The following EVI2B variants were observed in gnomAD, a reference collection of about 807,000 sequenced individuals.
EVI2B encodes the protein ecotropic viral integration site 2B.
A neutral mutation model predicts 6.6 loss-of-function variants in EVI2B; 4 were observed. The observed-to-expected ratio is 0.61, with a 90% CI of 0.30 to 1.39. EVI2B has a LOEUF of 1.39. Ranked by LOEUF, EVI2B falls within the 40% of genes most tolerant of loss-of-function variation. The probability of loss-of-function intolerance (pLI) is 0.08; values close to 1 mark genes in which losing one functional copy is unlikely to be tolerated. For missense variants in EVI2B, 484 were observed against 516.6 expected (o/e 0.94, Z 0.61); for synonymous variants, 181 against 186.8 (o/e 0.97, Z 0.25).
At chr17:31,308,100 C>T (rs995149649) in intron 1 of EVI2B, 8 of 271,252 alleles carry the variant, frequency 2.9e-5, no homozygotes, top group Admixed American at 2.9e-4. Flanking sequence ...GTTACTACTG[C>T]CTTGCTTGAG....
chr17:31,309,962 A>C (rs2068824694), intron 1 of EVI2B, among the ~76,000 whole-genome samples: 1 of 152,330 alleles, frequency 6.6e-6, no homozygotes, highest in Admixed American at 6.5e-5. Context: ...TAGAAACTGT[A>C]TTAGAATTCT....
At chr17:31,309,973 A>G (rs1355665322) in intron 1 of EVI2B, among the ~76,000 whole-genome samples, 5 of 152,206 alleles carry the variant, frequency 3.3e-5, no homozygotes, top group Middle Eastern at 3.2e-3. Context: ...TTAGAATTCT[A>G]TGATGGCAAT....
intron 1 of EVI2B, among the ~76,000 whole-genome samples, chr17:31,312,418 G>A (rs1468906801): frequency 6.6e-6 from 1 of 151,424 alleles, no homozygotes; most frequent in East Asian, 1.9e-4. Context: ...GGCTGAGGCA[G>A]AAGAATCTCT....
In EVI2B at chr17:31,304,099, T is replaced by A; in HGVS notation, c.*164A>T. 1 of 604,678 alleles carries A rather than the reference T, an allele frequency of 1.7e-6. No individual in the cohort carries two copies. The highest frequency in any genetic ancestry group is 2.7e-6 in the Non-Finnish European group (1 of 365,166). The allele number at this position is 604,678 out of a possible 1,614,324, so 37.5% of individuals were successfully genotyped here. A position where few individuals can be genotyped will look rare whatever the true frequency, so the allele number is the denominator to read the frequency against. ...ATAGATTACTGTTAAATAACTTTTT[T>A]TAAAAAAAAGTTTCATCTATGCACA... On this transcript the variant is annotated 3_prime_UTR_variant, in exon 2 of 2. Coordinates refer to ENST00000330927, the MANE Select transcript of EVI2B (RefSeq NM_006495.4).
intron 1 of EVI2B, 105 bp downstream of exon 1, chr17:31,313,874 A>G: frequency 2.5e-6 from 1 of 392,850 alleles, no homozygotes; most frequent in Non-Finnish European, 4.5e-6. Context: ...CCTGTTATAG[A>G]CATCTTTAGA....
chr17:31,309,088 T>C (rs986037160), intron 1 of EVI2B, among the ~76,000 whole-genome samples: 2 of 152,180 alleles, frequency 1.3e-5, no homozygotes, highest in Admixed American at 6.6e-5. Flanking sequence ...AGAGACAGTG[T>C]CAAATGAGTT....
chr17:31,310,640 T>C (rs2151516276), intron 1 of EVI2B, among the ~76,000 whole-genome samples: 1 of 152,222 alleles, frequency 6.6e-6, no homozygotes, highest in East Asian at 1.9e-4. Context: ...CCTCTCCCTT[T>C]TTTTTTCCCT....
chr17:31,313,207 A>G (rs17826544), intron 1 of EVI2B, among the ~76,000 whole-genome samples: 69,002 of 152,016 alleles, frequency 0.45, 19,223 homozygotes, highest in Non-Finnish European at 0.62. Flanking sequence ...TTACTATGCA[A>G]ACTAAAGGGG....
rs191217615 is a variant in EVI2B at position 31,307,442 on chromosome 17, C to G, written c.-21-1812G>C. The stretch of plus-strand genomic sequence containing the variant: ...ACTGAATTTTAAAAGTCTATAAAAA[C>G]TAATTAAGTTTCCAGCCAGGGAGAG... On this transcript the variant is annotated intron_variant, in intron 1 of 1. Coordinates refer to ENST00000330927, the MANE Select transcript of EVI2B (RefSeq NM_006495.4). Among the ~76,000 whole-genome samples the G allele has an allele frequency of 2.6e-5, 4 of 152,274 alleles. No individual in the cohort carries two copies. The East Asian group carries it at 5.8e-4, about 22-fold the overall frequency.
chr17:31,313,719 AAT>A (rs1170447460), intron 1 of EVI2B, among the ~76,000 whole-genome samples: 44 of 103,242 alleles, frequency 4.3e-4, no homozygotes, highest in African/African-American at 5.0e-4. Context: ...AAAAAAAAAA[AAT>A]ATGTGTGTGT....
intron 1 of EVI2B, among the ~76,000 whole-genome samples, chr17:31,310,014 T>A (rs997237142): frequency 6.6e-6 from 1 of 152,124 alleles, no homozygotes; most frequent in Non-Finnish European, 1.5e-5. Flanking sequence ...AGAAGAAAGA[T>A]TTAAAAGAGG....
chr17:31,305,997 T>C (rs1468885588), intron 1 of EVI2B, among the ~76,000 whole-genome samples: 1 of 152,208 alleles, frequency 6.6e-6, no homozygotes, highest in Admixed American at 6.5e-5. Context: ...ATGTGTTCTC[T>C]ACCTTTTTTC....
chr17:31,304,709 A>C lies in EVI2B; in HGVS notation c.901T>G (p.Ser301Ala). 1 of 1,614,174 alleles carries C rather than the reference A, an allele frequency of 6.2e-7. No individual in the cohort carries two copies. The highest frequency in any genetic ancestry group is 8.5e-7 in the Non-Finnish European group (1 of 1,180,024). Residue 301 changes from serine (S) to alanine (A), a missense_variant, in exon 2 of 2, where the codon TCC (serine) becomes GCC (alanine). Transcript: ENST00000330927. Reference protein sequence around the residue: ...LFESSENIEDSNNPKTEKIKD... With the variant: ...LFESSENIEDANNPKTEKIKD... The stretch of plus-strand genomic sequence containing the variant: ...ATTTTCTCTGTTTTGGGGTTGTTGG[A>C]GTCTTCAATGTTTTCACTTGATTCA...
At chr17:31,308,155 T>C (rs2068775030) in intron 1 of EVI2B, among the ~76,000 whole-genome samples, 1 of 152,116 alleles carries the variant, frequency 6.6e-6, no homozygotes, top group South Asian at 2.1e-4. Context: ...CTTTTTTTTT[T>C]TGGAGACAGA....
At chr17:31,310,087 G>A (rs1489825224) in intron 1 of EVI2B, among the ~76,000 whole-genome samples, 3 of 152,096 alleles carry the variant, frequency 2.0e-5, no homozygotes, top group Admixed American at 6.6e-5. Context: ...TGAGGCCAGC[G>A]TTACTACCAG....
intron 1 of EVI2B, chr17:31,307,967 A>G: frequency 1.6e-6 from 2 of 1,255,652 alleles, no homozygotes; most frequent in South Asian, 2.5e-5. Flanking sequence ...GCCCTGTTTT[A>G]GTAGAAGAAA....
intron 1 of EVI2B, among the ~76,000 whole-genome samples, chr17:31,307,255 G>A (rs980345641): frequency 1.3e-5 from 2 of 151,610 alleles, no homozygotes; most frequent in African/African-American, 4.9e-5. Context: ...CTGACCTCAG[G>A]TGATCTGCCT....
intron 1 of EVI2B, among the ~76,000 whole-genome samples, chr17:31,309,258 C>G (rs1422927145): frequency 6.6e-6 from 1 of 152,190 alleles, no homozygotes; most frequent in Non-Finnish European, 1.5e-5. Flanking sequence ...ATTAGGAGCA[C>G]AGTAAACATT....
rs2068640407 is a variant in EVI2B, at chr17:31,304,079, T to C, written c.*184A>G. ...ATAGGTACTATAATTAGTAAATAGATTACTGTTAAATAACTTTTTTTAAAA... is the reference window on the plus strand; with the variant it reads ...ATAGGTACTATAATTAGTAAATAGACTACTGTTAAATAACTTTTTTTAAAA... On this transcript the variant is annotated 3_prime_UTR_variant, in exon 2 of 2. Transcript: ENST00000330927. The C allele has an allele frequency of 1.9e-6, 1 of 535,158 alleles. No homozygotes were observed. Among genetic ancestry groups the C allele is most frequent in the African/African-American group, 1.9e-5 (1 of 52,900 alleles). 33.2% of individuals were successfully genotyped at this position (535,158 alleles called of 1,614,324 possible).
Sources: gnomAD v4.1 joint callset for allele counts (sites outside exome capture counted in the v4.1 genomes callset) on GRCh38, gnomAD v4.1.1 for gene constraint, MANE v1.5 for transcripts, NCBI Gene and HGNC (gene_info 2026-07-23, HGNC 2026-07-21) for gene names.